Variants in HES3 observed in about 807,000 individuals in gnomAD.
The protein encoded by HES3 is transcription factor HES-3.
A neutral mutation model predicts 8.0 loss-of-function variants in HES3; 6 were observed. The observed-to-expected ratio is 0.75, with a 90% CI of 0.41 to 1.49. HES3 has a LOEUF of 1.49. Ranked by LOEUF, HES3 falls within the 40% of genes most tolerant of loss-of-function variation. The probability of loss-of-function intolerance (pLI) is 0.01; values close to 1 mark genes in which losing one functional copy is unlikely to be tolerated. For missense variants in HES3, 266 were observed against 260.9 expected (o/e 1.02, Z -0.13); for synonymous variants, 121 against 119.4 (o/e 1.01, Z -0.09).
chr1:6,245,080 CCT>C, intron 3 of HES3, 28 bp from the exon 4 acceptor site: 2 of 1,419,686 alleles, frequency 1.4e-6, no homozygotes, highest in East Asian at 2.8e-5. Flanking sequence ...TCTTCCCCTC[CCT>C]GTTTCTCGCG....
rs1260654011 is a variant in HES3 at position 6,245,493 on chromosome 1, G to A, written c.547G>A (p.Asp183Asn). 2.0e-6 allele frequency: 3 copies of A among 1,512,134 alleles called. No individual in the cohort carries two copies. The highest frequency in any genetic ancestry group is 1.4e-5 in the African/African-American group (1 of 68,966). 93.7% of individuals were successfully genotyped at this position (1,512,134 alleles called of 1,614,324 possible). A position where few individuals can be genotyped will look rare whatever the true frequency, so the allele number is the denominator to read the frequency against. The change falls in exon 4 of 4, where the codon GAT becomes AAT. Residue 183 changes from aspartate (D) to asparagine (N), a missense_variant. Transcript: ENST00000377898. ...GTGGCGGCCCTGGGGAAGCCCCGGG[G>A]ATGACCTGAACTGAAGGCGCTCCCT... ...RVWRPWGSPG[D>N]DLN
chr1:6,244,728 C>A, intron 3 of HES3, 99 bp downstream of exon 3: 1 of 1,121,414 alleles, frequency 8.9e-7, no homozygotes, highest in Non-Finnish European at 1.3e-6. Flanking sequence ...GACCGCTTGA[C>A]CCCGGGCTTT....
rs1364181112 is a variant in HES3, at chr1:6,245,299, G to T, written c.353G>T (p.Arg118Leu). 6 of 1,501,602 alleles carry T rather than the reference G, an allele frequency of 4.0e-6. No individual in the cohort carries two copies. The South Asian group carries it at 6.3e-5, about 16-fold the overall frequency. 93.0% of individuals were successfully genotyped at this position (1,501,602 alleles called of 1,614,324 possible). The change falls in exon 4 of 4, where the codon CGC becomes CTC. Residue 118 changes from arginine (R) to leucine (L), a missense_variant. Transcript: ENST00000377898. The stretch of plus-strand genomic sequence containing the variant: ...GGCCAGGAGGCGCCCGCGCTGTTCC[G>T]CCCTTGCACCCCTGCCGTCTGGGCT... ...GLGQEAPALF[R>L]PCTPAVWAPA...
At position 6,245,408 on chromosome 1, in the gene HES3, C is replaced by A. The variant is rs766106783; in HGVS notation, c.462C>A (p.Val154=). 1 of 1,539,082 alleles carries A rather than the reference C, an allele frequency of 6.5e-7. No homozygotes were observed. The highest frequency in any genetic ancestry group is 2.5e-5 in the East Asian group (1 of 39,950). Reference sequence around the variant, plus strand: ...GTCTCCCTGGCTCGTCCGCCAGCGTCCCCCCGCCGCAGCCAGCGTCGAGTC... The same window carrying A: ...GTCTCCCTGGCTCGTCCGCCAGCGTACCCCCGCCGCAGCCAGCGTCGAGTC... ...PESLPGSSAS[V]PPPQPASSRC... Residue 154 remains valine, a synonymous_variant, in exon 4 of 4, where the codon GTC becomes GTA. Coordinates refer to ENST00000377898, the MANE Select transcript of HES3 (RefSeq NM_001024598.4).
Position 6,245,445 on chromosome 1 carries a change from A to C in HES3, c.499A>C (p.Ser167Arg). Reference sequence around the variant, plus strand: ...GCCAGCGTCGAGTCGCTGCGCCGAGAGTCCCGGGCTGGGCCTGCGCGTGTG... The same window carrying C: ...GCCAGCGTCGAGTCGCTGCGCCGAGCGTCCCGGGCTGGGCCTGCGCGTGTG... ...PQPASSRCAE[S>R]PGLGLRVWRP... Residue 167 changes from serine (S) to arginine (R), a missense_variant, in exon 4 of 4, where the codon AGT (serine) becomes CGT (arginine). Ser to Arg is a moderately radical substitution (Grantham distance 110). Transcript: ENST00000377898. 6.5e-6 allele frequency: 10 copies of C among 1,548,736 alleles called. No homozygotes were observed. The highest frequency in any genetic ancestry group is 8.6e-6 in the Non-Finnish European group (10 of 1,159,522).
In HES3 at chr1:6,245,577, C is replaced by T; in HGVS notation, c.*70C>T. 2.2e-6 allele frequency: 3 copies of T among 1,386,266 alleles called. No homozygotes were observed. The South Asian group carries it at 4.7e-5, about 22-fold the overall frequency. 85.9% of individuals were successfully genotyped at this position (1,386,266 alleles called of 1,614,324 possible). ...ACGCCCACAGTGACTGCCAGGACCC[C>T]CCAGTCGTCCGTTCTGGTCGTGGGG... On this transcript the variant is annotated 3_prime_UTR_variant, in exon 4 of 4. Coordinates refer to ENST00000377898, the MANE Select transcript of HES3 (RefSeq NM_001024598.4).
In HES3 at chr1:6,245,095, C is replaced by A. The variant is rs993482308; in HGVS notation, c.164-15C>A. ...TCTTCCCCTCCCTGTTTCTCGCGTC[C>A]GCTCTTCCCCACAGGGCTCTGGCCT... On this transcript the variant is annotated splice_polypyrimidine_tract_variant and intron_variant, in intron 3 of 3. Transcript: ENST00000377898. 1.4e-6 allele frequency: 2 copies of A among 1,434,666 alleles called. No homozygotes were observed. The highest frequency in any genetic ancestry group is 1.8e-6 in the Non-Finnish European group (2 of 1,094,436). The allele number at this position is 1,434,666 out of a possible 1,614,324, so 88.9% of individuals were successfully genotyped here.
rs1464853094 is a variant in HES3 at position 6,245,454 on chromosome 1, C to T, written c.508C>T (p.Leu170=). The change falls in exon 4 of 4, where the codon CTG becomes TTG. Residue 170 remains leucine (L), a synonymous_variant. Transcript: ENST00000377898. The part of the protein sequence containing the change: ...ASSRCAESPG[L]GLRVWRPWGS... ...GAGTCGCTGCGCCGAGAGTCCCGGG[C>T]TGGGCCTGCGCGTGTGGCGGCCCTG... 1 of 1,537,776 alleles carries T rather than the reference C, an allele frequency of 6.5e-7. No individual in the cohort carries two copies. Among genetic ancestry groups the T allele is most frequent in the Admixed American group, 2.0e-5 (1 of 50,380 alleles).
intron 3 of HES3, 89 bp downstream of exon 3, chr1:6,244,718 G>A: frequency 2.5e-6 from 3 of 1,177,358 alleles, no homozygotes; most frequent in Non-Finnish European, 3.7e-6. Flanking sequence ...ATACCTCAAG[G>A]ACCGCTTGAC....
At chr1:6,245,080 C>A (rs979174251) in intron 3 of HES3, 30 bp from the exon 4 acceptor site, 1 of 1,419,686 alleles carries the variant, frequency 7.0e-7, no homozygotes, top group Non-Finnish European at 9.2e-7. Context: ...TCTTCCCCTC[C>A]CTGTTTCTCG....
At chr1:6,245,084 T>C (rs1283326084) in intron 3 of HES3, 26 bp from the exon 4 acceptor site, 12 of 1,187,456 alleles carry the variant, frequency 1.0e-5, no homozygotes, top group Non-Finnish European at 1.2e-5. Context: ...CCCCTCCCTG[T>C]TTCTCGCGTC....
At chr1:6,245,059 C>T (rs1638271030) in intron 3 of HES3, 51 bp from the exon 4 acceptor site, 4 of 734,924 alleles carry the variant, frequency 5.4e-6, no homozygotes, top group Non-Finnish European at 8.1e-6. Flanking sequence ...CCCTCCCCTT[C>T]CCCTTCCCTC....
Position 6,245,349 on chromosome 1 carries a change from C to T in HES3, c.403C>T (p.Arg135Trp). 1 of 1,501,492 alleles carries T rather than the reference C, an allele frequency of 6.7e-7. No individual in the cohort carries two copies. Among genetic ancestry groups the T allele is most frequent in the Non-Finnish European group, 8.8e-7 (1 of 1,133,380 alleles). 93.0% of individuals were successfully genotyped at this position (1,501,492 alleles called of 1,614,324 possible). A position where few individuals can be genotyped will look rare whatever the true frequency, so the allele number is the denominator to read the frequency against. ...TCCTGCTCCGGCCGCCGGCGGCCCG[C>T]GGTCCCCACCACCCCTGCTCCTCCT... The part of the protein sequence containing the change: ...WAPAPAAGGP[R>W]SPPPLLLLPE... Residue 135 changes from arginine (R) to tryptophan (W), a missense_variant, in exon 4 of 4, where the codon CGG becomes TGG. Physicochemically the swap from Arg to Trp is moderately radical, Grantham distance 101. Coordinates refer to ENST00000377898, the MANE Select transcript of HES3 (RefSeq NM_001024598.4).
chr1:6,244,717 G>A lies in HES3; in HGVS notation c.163+88G>A, dbSNP rs916311427. 21 of 1,215,060 alleles carry A rather than the reference G, an allele frequency of 1.7e-5. No individual in the cohort carries two copies. In the African/African-American group the frequency reaches 3.0e-4, roughly 17 times the overall value. 75.3% of individuals were successfully genotyped at this position (1,215,060 alleles called of 1,614,324 possible). On this transcript the variant is annotated intron_variant, in intron 3 of 3. Transcript: ENST00000377898. ...GGCCAAATAAAGAGGGATACCTCAA[G>A]GACCGCTTGACCCCGGGCTTTTGAG...
In HES3 at chr1:6,245,322, G is replaced by A. The variant is rs1638282725; in HGVS notation, c.376G>A (p.Ala126Thr). The A allele has an allele frequency of 1.3e-6, 2 of 1,503,882 alleles. No homozygotes were observed. The highest frequency in any genetic ancestry group is 1.5e-5 in the African/African-American group (1 of 68,870). The allele number at this position is 1,503,882 out of a possible 1,614,324, so 93.2% of individuals were successfully genotyped here. ...LFRPCTPAVW[A>T]PAPAAGGPRS... ...CCGCCCTTGCACCCCTGCCGTCTGGGCTCCTGCTCCGGCCGCCGGCGGCCC... is the reference window on the plus strand; with the variant it reads ...CCGCCCTTGCACCCCTGCCGTCTGGACTCCTGCTCCGGCCGCCGGCGGCCC... The change falls in exon 4 of 4, where the codon GCT becomes ACT. Residue 126 changes from alanine to threonine, a missense_variant. Ala to Thr is a moderately conservative substitution (Grantham distance 58). Coordinates refer to ENST00000377898, the MANE Select transcript of HES3 (RefSeq NM_001024598.4).
intron 2 of HES3, 21 bp from the exon 3 acceptor site, chr1:6,244,527 G>A: frequency 6.2e-7 from 1 of 1,613,996 alleles, no homozygotes. Flanking sequence ...CGGTCTAATA[G>A]ACCTTTCCAT....
chr1:6,245,380 A>G lies in HES3; in HGVS notation c.434A>G (p.Glu145Gly), dbSNP rs1638283555. 7.9e-6 allele frequency: 12 copies of G among 1,519,726 alleles called. No homozygotes were observed. The highest frequency in any genetic ancestry group is 2.0e-5 in the Admixed American group (1 of 48,908). The allele number at this position is 1,519,726 out of a possible 1,614,324, so 94.1% of individuals were successfully genotyped here. A position where few individuals can be genotyped will look rare whatever the true frequency, so the allele number is the denominator to read the frequency against. ...CCACCACCCCTGCTCCTCCTCCCCG[A>G]AAGTCTCCCTGGCTCGTCCGCCAGC... ...RSPPPLLLLP[E>G]SLPGSSASVP... Residue 145 changes from glutamate (E) to glycine (G), a missense_variant, in exon 4 of 4, where the codon GAA becomes GGA. Transcript: ENST00000377898.
rs766106783 is a variant in HES3, at chr1:6,245,408, C to T, written c.462C>T (p.Val154=). The T allele has an allele frequency of 9.6e-5, 147 of 1,538,966 alleles. No individual in the cohort carries two copies. Among genetic ancestry groups the T allele is most frequent in the Non-Finnish European group, 1.2e-4 (140 of 1,152,310 alleles). ...GTCTCCCTGGCTCGTCCGCCAGCGT[C>T]CCCCCGCCGCAGCCAGCGTCGAGTC... The part of the protein sequence containing the change: ...PESLPGSSAS[V]PPPQPASSRC... Residue 154 remains valine, a synonymous_variant, in exon 4 of 4, where the codon GTC becomes GTT. Transcript: ENST00000377898.
chr1:6,245,220 T>C lies in HES3; in HGVS notation c.274T>C (p.Cys92Arg). The change falls in exon 4 of 4, where the codon TGC (cysteine) becomes CGC (arginine). Residue 92 changes from cysteine to arginine, a missense_variant. Cys to Arg is a radical substitution (Grantham distance 180, BLOSUM62 -3). Transcript: ENST00000377898. ...AGATGAGGTCGGCAGCGGCCTGCGC[T>C]GCCCCCTGGTGCCCGAGAGCGCCGC... ...RGDEVGSGLR[C>R]PLVPESAAGS... is the part of the protein sequence containing the mutation. 1 of 1,523,150 alleles carries C rather than the reference T, an allele frequency of 6.6e-7. No individual in the cohort carries two copies. The highest frequency in any genetic ancestry group is 8.8e-7 in the Non-Finnish European group (1 of 1,141,416). The allele number at this position is 1,523,150 out of a possible 1,614,324, so 94.4% of individuals were successfully genotyped here. A position where few individuals can be genotyped will look rare whatever the true frequency, so the allele number is the denominator to read the frequency against.
Sources: allele counts gnomAD v4.1 joint callset, GRCh38; gene constraint gnomAD v4.1.1; transcripts MANE v1.5; gene names NCBI Gene and HGNC (gene_info 2026-07-23, HGNC 2026-07-21).